Variants in NFYC observed in about 807,000 individuals in gnomAD.
The protein encoded by NFYC is nuclear transcription factor Y subunit gamma.
Under a neutral mutation model 53.1 loss-of-function variants are expected in NFYC, and 25 were observed. The observed-to-expected ratio is 0.47, with a 90% CI of 0.34 to 0.66. NFYC has a LOEUF of 0.66. Among genes scored for constraint, NFYC ranks in the 30% least tolerant of loss-of-function variants. The probability of loss-of-function intolerance (pLI) is 0.01; values close to 1 mark genes in which losing one functional copy is unlikely to be tolerated. For synonymous variants in NFYC, 145 were observed against 152.6 expected (o/e 0.95, Z 0.37); for missense variants, 260 against 422.7 (o/e 0.62, Z 3.38).
At chr1:40,727,268 G>T (rs1159373844) in intron 1 of NFYC, among the ~76,000 whole-genome samples, 1 of 152,182 alleles carries the variant, frequency 6.6e-6, no homozygotes, top group African/African-American at 2.4e-5. Flanking sequence ...CTGTTGCCCA[G>T]ACTGGAGTGC....
chr1:40,741,179 T>TA (rs1045457212), intron 2 of NFYC, among the ~76,000 whole-genome samples: 1 of 152,212 alleles, frequency 6.6e-6, no homozygotes, highest in Non-Finnish European at 1.5e-5. Flanking sequence ...TGATTCAACT[T>TA]AATGTTTTTT....
rs187722585 is a variant in NFYC, at chr1:40,767,398, A to T, written c.828+695A>T. Among the ~76,000 whole-genome samples the T allele has an allele frequency of 2.1e-3, 314 of 152,284 alleles. 2 individuals carry two copies. The highest frequency in any genetic ancestry group is 7.1e-3 in the African/African-American group (294 of 41,564). Reference sequence around the variant, plus strand: ...ATGTATCTATTGACAGTGGTGACAGAGCTGAGTTTGTAGAGCAGGTCTCCA... The same window carrying T: ...ATGTATCTATTGACAGTGGTGACAGTGCTGAGTTTGTAGAGCAGGTCTCCA... On this transcript the variant is annotated intron_variant, in intron 8 of 9. Transcript: ENST00000447388.
intron 3 of NFYC, among the ~76,000 whole-genome samples, chr1:40,748,784 C>T (rs1284715005): frequency 1.3e-5 from 2 of 152,136 alleles, no homozygotes; most frequent in African/African-American, 4.8e-5. Context: ...TTTATTAGCT[C>T]CTTTCTTCCT....
At chr1:40,765,900 G>A (rs1425207367) in intron 7 of NFYC, among the ~76,000 whole-genome samples, 2 of 152,198 alleles carry the variant, frequency 1.3e-5, no homozygotes, top group African/African-American at 2.4e-5. Context: ...AGATTTAATC[G>A]TAAGCATGAG....
chr1:40,769,262 T>C, intron 8 of NFYC, 94 bp from the exon 9 acceptor site: 1 of 1,275,862 alleles, frequency 7.8e-7, no homozygotes, highest in Non-Finnish European at 1.1e-6. Flanking sequence ...ATATGCATTG[T>C]CTCATTTGAT....
rs746655256 is a variant in NFYC, at chr1:40,770,511, C to T, written c.889-198C>T. On this transcript the variant is annotated intron_variant, in intron 9 of 9. Coordinates refer to ENST00000447388, the MANE Select transcript of NFYC (RefSeq NM_014223.5). This position sits in a 1 kb window ranked among gnomAD's most constrained non-coding sequence, Gnocchi z 5.3. ...CACCTCTTCCCTGCCCACCACACACCCCCCCTCACACCGGGCTGGTGCCTC... is the reference window on the plus strand; with the variant it reads ...CACCTCTTCCCTGCCCACCACACACTCCCCCTCACACCGGGCTGGTGCCTC... 1.3e-6 allele frequency: 2 copies of T among 1,555,572 alleles called. No individual in the cohort carries two copies. Among genetic ancestry groups the T allele is most frequent in the Non-Finnish European group, 1.7e-6 (2 of 1,149,268 alleles).
At chr1:40,730,053 T>G (rs1029772331) in intron 1 of NFYC, among the ~76,000 whole-genome samples, 1 of 151,852 alleles carries the variant, frequency 6.6e-6, no homozygotes, top group African/African-American at 2.4e-5. Context: ...AGAGACAGAG[T>G]TTTGTTCTGT....
intron 1 of NFYC, among the ~76,000 whole-genome samples, chr1:40,700,670 TCTCA>T (rs1643389036): frequency 6.6e-6 from 1 of 152,154 alleles, no homozygotes; most frequent in African/African-American, 2.4e-5. Flanking sequence ...TGAGATGGAG[TCTCA>T]CTCTATGAGG....
chr1:40,711,033 C>T (rs753999170), intron 1 of NFYC, among the ~76,000 whole-genome samples: 18 of 152,152 alleles, frequency 1.2e-4, no homozygotes, highest in Non-Finnish European at 2.2e-4. Context: ...TGCATTCATT[C>T]TCTCTCCCAC....
At chr1:40,700,040 A>T (rs1247717194) in intron 1 of NFYC, among the ~76,000 whole-genome samples, 7 of 152,184 alleles carry the variant, frequency 4.6e-5, no homozygotes, top group Non-Finnish European at 7.3e-5. Flanking sequence ...TGTGTAGTGG[A>T]GCCCAGTTGA....
intron 2 of NFYC, among the ~76,000 whole-genome samples, chr1:40,745,019 C>T (rs960554158): frequency 6.6e-6 from 1 of 152,054 alleles, no homozygotes; most frequent in Non-Finnish European, 1.5e-5. Context: ...GTTTCAGGAA[C>T]ATGAAAAAAT....
chr1:40,766,859 A>G, intron 8 of NFYC, 156 bp downstream of exon 8: 1 of 1,513,390 alleles, frequency 6.6e-7, no homozygotes, highest in Non-Finnish European at 9.0e-7. Flanking sequence ...CCCAAGAGGC[A>G]TGGGTGGTAA....
intron 5 of NFYC, 65 bp downstream of exon 5, chr1:40,753,311 C>T (rs931685844): frequency 1.7e-5 from 18 of 1,060,900 alleles, no homozygotes; most frequent in South Asian, 1.0e-4. Flanking sequence ...GTGTCAGATA[C>T]GCTCCTTCTC....
chr1:40,769,326 A>C (rs779692696), intron 8 of NFYC, 30 bp from the exon 9 acceptor site: 25 of 1,611,728 alleles, frequency 1.6e-5, no homozygotes, highest in African/African-American at 5.3e-5. Flanking sequence ...TGCAGCTGAC[A>C]TACCAACTCT....
At chr1:40,743,288 A>G (rs1189389050) in intron 2 of NFYC, among the ~76,000 whole-genome samples, 1 of 152,248 alleles carries the variant, frequency 6.6e-6, no homozygotes, top group African/African-American at 2.4e-5. Flanking sequence ...TGGGATTGAA[A>G]TTAGTTAAAA....
intron 1 of NFYC, among the ~76,000 whole-genome samples, chr1:40,725,537 G>A (rs536114529): frequency 9.9e-5 from 15 of 152,266 alleles, no homozygotes; most frequent in Admixed American, 3.3e-4. Context: ...TGTTGTGATC[G>A]ATAATAGCAT....
intron 8 of NFYC, 98 bp downstream of exon 8, chr1:40,766,801 A>C (rs765529485): frequency 2.4e-5 from 36 of 1,489,672 alleles, no homozygotes; most frequent in Middle Eastern, 1.7e-4. Flanking sequence ...TTGCCACCTC[A>C]TCCTTCAACC....
At chr1:40,706,557 C>A (rs1557744490) in intron 1 of NFYC, among the ~76,000 whole-genome samples, 1 of 151,928 alleles carries the variant, frequency 6.6e-6, no homozygotes, top group African/African-American at 2.4e-5. Context: ...ATTTTTCAGT[C>A]CTAGGATATT....
chr1:40,702,392 G>C (rs1643481937), intron 1 of NFYC, among the ~76,000 whole-genome samples: 1 of 149,676 alleles, frequency 6.7e-6, no homozygotes, highest in African/African-American at 2.5e-5. Context: ...ACCCAGGCTG[G>C]AGTGCAGTGG....
Sources: gnomAD v4.1 joint callset for allele counts (sites outside exome capture counted in the v4.1 genomes callset) on GRCh38, gnomAD v4.1.1 for gene constraint, Gnocchi (gnomAD v3.1) non-coding constraint, MANE v1.5 for transcripts, NCBI Gene and HGNC (gene_info 2026-07-23, HGNC 2026-07-21) for gene names.